PTPRD: variants seen among roughly 807,000 people sequenced by gnomAD.
PTPRD encodes the protein receptor-type tyrosine-protein phosphatase delta.
Under a neutral mutation model 214.5 loss-of-function variants are expected in PTPRD, and 34 were observed. That is an observed-to-expected ratio of 0.16 (90% CI 0.12 to 0.21). The LOEUF (loss-of-function observed/expected upper bound fraction) is 0.21. Ranked by LOEUF, PTPRD falls within the 10% of genes least tolerant of loss-of-function variation. PTPRD has a pLI of 1.00. For missense variants in PTPRD, 2,545 were observed against 2,398.7 expected (o/e 1.06, Z -1.27); for synonymous variants, 1,128 against 845.7 (o/e 1.33, Z -5.79).
intron 9 of PTPRD, among the ~76,000 whole-genome samples, chr9:9,349,836 C>A (rs1210755612): frequency 6.6e-6 from 1 of 151,944 alleles, no homozygotes; most frequent in African/African-American, 2.4e-5. Context: ...CATATACTAG[C>A]ACTTCTGCAG....
intron 8 of PTPRD, among the ~76,000 whole-genome samples, chr9:9,407,377 A>T (rs140958497): frequency 1.3e-5 from 2 of 151,916 alleles, no homozygotes; most frequent in East Asian, 3.9e-4. Flanking sequence ...CATGATTATA[A>T]ATAATGGTTC....
intron 12 of PTPRD, among the ~76,000 whole-genome samples, chr9:8,710,325 T>C (rs2098304114): frequency 6.6e-6 from 1 of 152,042 alleles, no homozygotes; most frequent in Admixed American, 6.6e-5. Flanking sequence ...AAGAGGATAT[T>C]AAAAAATAAG....
chr9:9,864,180 C>T (rs2063421539), intron 5 of PTPRD, among the ~76,000 whole-genome samples: 1 of 152,134 alleles, frequency 6.6e-6, no homozygotes, highest in Admixed American at 6.5e-5. Flanking sequence ...GTGGCGGGTG[C>T]CCGCAGTCCC....
chr9:8,929,823 A>ATG (rs1555536970), intron 11 of PTPRD, among the ~76,000 whole-genome samples: 1 of 34,754 alleles, frequency 2.9e-5, no homozygotes, highest in Admixed American at 4.9e-4. Context: ...ATATATGTGT[A>ATG]TATATATGTG....
At chr9:9,026,696 A>G (rs997925384) in intron 10 of PTPRD, among the ~76,000 whole-genome samples, 4 of 151,896 alleles carry the variant, frequency 2.6e-5, no homozygotes, top group African/African-American at 9.7e-5. Context: ...CATCGACATT[A>G]ATGCTGAAGA....
chr9:9,266,672 A>G (rs1267204139), intron 9 of PTPRD, among the ~76,000 whole-genome samples: 1 of 151,366 alleles, frequency 6.6e-6, no homozygotes, highest in Non-Finnish European at 1.5e-5. Flanking sequence ...ATAGGTTTAA[A>G]TAAATGGAAA....
At chr9:8,586,594 A>ATG (rs1332878810) in intron 14 of PTPRD, among the ~76,000 whole-genome samples, 2 of 152,200 alleles carry the variant, frequency 1.3e-5, no homozygotes, top group African/African-American at 4.8e-5. Flanking sequence ...CCCCCACAAC[A>ATG]CAGTATGACT....
At chr9:8,573,291 A>G (rs967762341) in intron 14 of PTPRD, among the ~76,000 whole-genome samples, 52 of 152,056 alleles carry the variant, frequency 3.4e-4, no homozygotes, top group Non-Finnish European at 5.9e-5. Context: ...TGGTGCTACT[A>G]AAGATATACA....
Position 9,518,518 on chromosome 9 carries a change from G to C in PTPRD, c.-237+56214C>G, listed in dbSNP as rs376144038. 5.3e-5 allele frequency among the ~76,000 whole-genome samples: 8 copies of C among 152,130 alleles called. No individual in the cohort carries two copies. The South Asian group carries it at 1.5e-3, about 28-fold the overall frequency. ...CAAATCTAAGAAGGAAGGCATAATA[G>C]GGTAGGTCAATGCAGAAATTGATAT... is the stretch of plus-strand genomic sequence containing the variant. On this transcript the variant is annotated intron_variant, in intron 8 of 45. Coordinates refer to ENST00000381196, the MANE Select transcript of PTPRD (RefSeq NM_002839.4).
intron 8 of PTPRD, among the ~76,000 whole-genome samples, chr9:9,420,594 T>C (rs2078413857): frequency 6.6e-6 from 1 of 151,974 alleles, no homozygotes; most frequent in African/African-American, 2.4e-5. Flanking sequence ...TATACAAATA[T>C]GTGTGTGCAC....
At chr9:8,710,388 G>A (rs1245648075) in intron 12 of PTPRD, among the ~76,000 whole-genome samples, 3 of 152,118 alleles carry the variant, frequency 2.0e-5, no homozygotes, top group African/African-American at 4.8e-5. Flanking sequence ...AAGCCAAGGC[G>A]GTGGGTCACT....
At chr9:8,479,480 C>CT (rs1204453010) in intron 30 of PTPRD, among the ~76,000 whole-genome samples, 3 of 152,072 alleles carry the variant, frequency 2.0e-5, no homozygotes, top group Non-Finnish European at 4.4e-5. Context: ...AGTTTTATAC[C>CT]TTTTCCCTGA....
chr9:9,876,712 TA>T (rs369742424), intron 5 of PTPRD, among the ~76,000 whole-genome samples: 5 of 152,324 alleles, frequency 3.3e-5, no homozygotes, highest in African/African-American at 1.2e-4. Context: ...AAATTTGCTT[TA>T]TACAAATTCT....
intron 5 of PTPRD, among the ~76,000 whole-genome samples, chr9:9,872,317 C>T (rs947737497): frequency 1.3e-5 from 2 of 152,116 alleles, no homozygotes; most frequent in Non-Finnish European, 1.5e-5. Flanking sequence ...CAATTTCCTC[C>T]ACAATTAAAT....
At chr9:8,624,835 T>C (rs538817938) in intron 14 of PTPRD, among the ~76,000 whole-genome samples, 1 of 151,964 alleles carries the variant, frequency 6.6e-6, no homozygotes, top group Admixed American at 6.6e-5. Flanking sequence ...GTAGTTCTCT[T>C]TCCCTTTGCC....
chr9:9,465,187 T>C (rs750835329), intron 8 of PTPRD, among the ~76,000 whole-genome samples: 1 of 152,198 alleles, frequency 6.6e-6, no homozygotes, highest in East Asian at 1.9e-4. Context: ...TGTAGAAATG[T>C]ACCAGGTAAT....
intron 8 of PTPRD, among the ~76,000 whole-genome samples, chr9:9,513,955 T>C (rs2096773761): frequency 6.6e-6 from 1 of 152,058 alleles, no homozygotes; most frequent in African/African-American, 2.4e-5. Flanking sequence ...GGAGCCAAGC[T>C]GGTACCAGTT....
intron 5 of PTPRD, among the ~76,000 whole-genome samples, chr9:9,923,445 A>T (rs563722425): frequency 2.4e-4 from 36 of 151,388 alleles, no homozygotes; most frequent in Admixed American, 1.3e-3. Flanking sequence ...GATAAGACTA[A>T]ATTATCAATT....
chr9:10,030,652 G>T (rs2097045069), intron 4 of PTPRD, among the ~76,000 whole-genome samples: 1 of 152,130 alleles, frequency 6.6e-6, no homozygotes, highest in East Asian at 1.9e-4. Flanking sequence ...CCTGGTGATG[G>T]GTGAGAAAAA....
Sources: gnomAD v4.1 joint callset for allele counts (sites outside exome capture counted in the v4.1 genomes callset) on GRCh38, gnomAD v4.1.1 for gene constraint, MANE v1.5 for transcripts, NCBI Gene and HGNC (gene_info 2026-07-23, HGNC 2026-07-21) for gene names.